The following SPECC1 variants were observed in gnomAD, a reference collection of about 807,000 sequenced individuals.
SPECC1 encodes cytospin-B.
Under a neutral mutation model 104.1 loss-of-function variants are expected in SPECC1, and 62 were observed. The observed-to-expected ratio is 0.60, with a 90% CI of 0.49 to 0.74. The LOEUF (loss-of-function observed/expected upper bound fraction) is 0.74, where lower values mean the gene tolerates loss of function less well. Among genes scored for constraint, SPECC1 ranks in the 30% least tolerant of loss-of-function variants. The pLI is 0.00. For synonymous variants in SPECC1, 513 were observed against 501.6 expected (o/e 1.02, Z -0.30); for missense variants, 1,306 against 1,310.5 (o/e 1.00, Z 0.05).
rs140158475 is a variant in SPECC1, at chr17:20,059,344, A to G, written c.-21-37287A>G. ...GAAAACCTACATCCCTTGCATGCTC[A>G]GTTCACAATAGGGTTCATGGTCCTA... On this transcript the variant is annotated intron_variant, in intron 1 of 14. Coordinates refer to ENST00000395527, the MANE Select transcript of SPECC1 (RefSeq NM_001243439.2). 1.5e-3 allele frequency among the ~76,000 whole-genome samples: 226 copies of G among 152,230 alleles called. 1 individual carries two copies. Among genetic ancestry groups the G allele is most frequent in the African/African-American group, 5.0e-3 (208 of 41,550 alleles).
At chr17:20,198,219 A>C (rs1030679629) in intron 3 of SPECC1, among the ~76,000 whole-genome samples, 1 of 152,224 alleles carries the variant, frequency 6.6e-6, no homozygotes, top group African/African-American at 2.4e-5. Flanking sequence ...TTTGCCCCCA[A>C]ATGGGCCCCG....
intron 3 of SPECC1, chr17:20,156,285 C>T: frequency 7.6e-7 from 1 of 1,321,410 alleles, no homozygotes; most frequent in Non-Finnish European, 9.7e-7. Flanking sequence ...CCCACCCCCC[C>T]TCCAGGCGCC....
At chr17:20,206,040 G>T in intron 4 of SPECC1, 128 bp downstream of exon 4, 2 of 1,307,848 alleles carry the variant, frequency 1.5e-6, no homozygotes, top group Non-Finnish European at 2.1e-6. Context: ...CAGCATTCCA[G>T]CTTGAAGGCC....
intron 11 of SPECC1, among the ~76,000 whole-genome samples, chr17:20,259,170 A>G (rs1165255184): frequency 6.6e-6 from 1 of 152,232 alleles, no homozygotes; most frequent in African/African-American, 2.4e-5. Flanking sequence ...TACAGCATAT[A>G]TTTGGACCCA....
At chr17:20,300,459 C>T (rs756367261) in intron 13 of SPECC1, among the ~76,000 whole-genome samples, 1 of 152,246 alleles carries the variant, frequency 6.6e-6, no homozygotes, top group Non-Finnish European at 1.5e-5. Flanking sequence ...TAACACTGTG[C>T]TGGGTGAAGC....
chr17:20,015,309 T>G (rs926820902), intron 1 of SPECC1, among the ~76,000 whole-genome samples: 1 of 151,774 alleles, frequency 6.6e-6, no homozygotes, highest in African/African-American at 2.4e-5. Context: ...TTTTTTTTTT[T>G]TTTGAGACAG....
At chr17:20,180,801 CAT>C (rs2034827328) in intron 3 of SPECC1, among the ~76,000 whole-genome samples, 1 of 152,150 alleles carries the variant, frequency 6.6e-6, no homozygotes, top group African/African-American at 2.4e-5. Context: ...TTAGAAACAA[CAT>C]ATGCAACAAA....
intron 13 of SPECC1, among the ~76,000 whole-genome samples, chr17:20,299,037 C>G (rs1245334025): frequency 4.0e-5 from 6 of 149,830 alleles, no homozygotes; most frequent in Non-Finnish European, 7.4e-5. Flanking sequence ...GGAACTAGCT[C>G]GAGATTATAG....
chr17:20,089,597 G>C lies in SPECC1; in HGVS notation c.-21-7034G>C, dbSNP rs115871315. Among the ~76,000 whole-genome samples the C allele has an allele frequency of 6.6e-3, 1,003 of 152,272 alleles. 10 individuals are homozygous for C. Among genetic ancestry groups the C allele is most frequent in the African/African-American group, 0.023 (944 of 41,546 alleles). ...ATTGTGATTATGCCACAGCACTCCAGCTTGGGCAATGGAGTAAGACCCCAT... is the reference window on the plus strand; with the variant it reads ...ATTGTGATTATGCCACAGCACTCCACCTTGGGCAATGGAGTAAGACCCCAT... On this transcript the variant is annotated intron_variant, in intron 1 of 14. Transcript: ENST00000395527.
intron 1 of SPECC1, among the ~76,000 whole-genome samples, chr17:20,013,756 C>T (rs7224419): frequency 0.069 from 10,514 of 152,146 alleles, 990 homozygotes; most frequent in African/African-American, 0.21. Flanking sequence ...GCCTGCCTTA[C>T]CCGCCCAAAG....
At chr17:20,280,752 G>A (rs908852679) in intron 12 of SPECC1, among the ~76,000 whole-genome samples, 10 of 152,166 alleles carry the variant, frequency 6.6e-5, no homozygotes, top group South Asian at 2.1e-4. Context: ...GGTGGCTGTC[G>A]TATGGGGCAA....
chr17:20,297,007 C>T lies in SPECC1; in HGVS notation c.2987C>T (p.Ala996Val). ...AGCAGCAGCTGGAGCGATGGCCTGGCCTTCTGTGCTCTGCTCCACACCTAC... is the reference window on the plus strand; with the variant it reads ...AGCAGCAGCTGGAGCGATGGCCTGGTCTTCTGTGCTCTGCTCCACACCTAC... ...NFSSSWSDGLAFCALLHTYLP... is the reference protein window; with the variant it reads ...NFSSSWSDGLVFCALLHTYLP... Residue 996 changes from alanine to valine, a missense_variant, in exon 13 of 15, where the codon GCC (alanine) becomes GTC (valine). Ala to Val is a moderately conservative substitution (Grantham distance 64). Coordinates refer to ENST00000395527, the MANE Select transcript of SPECC1 (RefSeq NM_001243439.2). 1 of 1,614,222 alleles carries T rather than the reference C, an allele frequency of 6.2e-7. No individual in the cohort carries two copies. Among genetic ancestry groups the T allele is most frequent in the Non-Finnish European group, 8.5e-7 (1 of 1,180,044 alleles).
At chr17:20,281,045 C>G (rs2040753260) in intron 12 of SPECC1, among the ~76,000 whole-genome samples, 1 of 152,168 alleles carries the variant, frequency 6.6e-6, no homozygotes, top group Non-Finnish European at 1.5e-5. Flanking sequence ...CTCTTTAGAG[C>G]ATCGGACATT....
intron 12 of SPECC1, among the ~76,000 whole-genome samples, chr17:20,289,811 C>CA (rs1328833277): frequency 1.3e-5 from 2 of 152,042 alleles, no homozygotes; most frequent in Non-Finnish European, 2.9e-5. Context: ...TGAAAGGGAA[C>CA]GTCTTTATTT....
intron 12 of SPECC1, among the ~76,000 whole-genome samples, chr17:20,261,695 A>G (rs1381495020): frequency 2.0e-5 from 3 of 152,164 alleles, no homozygotes; most frequent in Non-Finnish European, 2.9e-5. Context: ...GTTTGCGTTT[A>G]GTTTAAGAGT....
intron 3 of SPECC1, among the ~76,000 whole-genome samples, chr17:20,117,773 A>C (rs2048833474): frequency 6.6e-6 from 1 of 151,724 alleles, no homozygotes; most frequent in African/African-American, 2.4e-5. Context: ...TGAAAAATAC[A>C]GATGGCTAGT....
At chr17:20,090,812 C>A (rs1223860777) in intron 1 of SPECC1, among the ~76,000 whole-genome samples, 1 of 152,114 alleles carries the variant, frequency 6.6e-6, no homozygotes, top group Admixed American at 6.5e-5. Flanking sequence ...AATATAGCTG[C>A]CAGATTATAG....
At chr17:20,246,731 ACAGTAACAATATCTTTCTTCCCCAG>A (rs1261758040) in intron 8 of SPECC1, among the ~76,000 whole-genome samples, 1 of 152,250 alleles carries the variant, frequency 6.6e-6, no homozygotes, top group Admixed American at 6.5e-5. Context: ...GCATCTGTCT[ACAGTAACAATATCTTTCTTCCCCAG>A]AGTGCAACAA....
chr17:20,204,659 G>T lies in SPECC1; in HGVS notation c.610G>T (p.Gly204Trp). Residue 204 changes from glycine to tryptophan, a missense_variant, in exon 4 of 15, where the codon GGG becomes TGG. Gly to Trp is a radical substitution (Grantham distance 184). Transcript: ENST00000395527. The stretch of plus-strand genomic sequence containing the variant: ...AGAGAAAAGGACTCTGAACGCTGAG[G>T]GGACTGATGCTTTGGGCCCAAATGT... ...YKEKRTLNAEGTDALGPNVDG... is the reference protein window; with the variant it reads ...YKEKRTLNAEWTDALGPNVDG... 6.2e-7 allele frequency: 1 copy of T among 1,614,010 alleles called. No homozygotes were observed. Among genetic ancestry groups the T allele is most frequent in the Non-Finnish European group, 8.5e-7 (1 of 1,180,014 alleles).
Sources: allele counts gnomAD v4.1 joint callset (sites outside exome capture counted in the v4.1 genomes callset), GRCh38; gene constraint gnomAD v4.1.1; transcripts MANE v1.5; gene names NCBI Gene and HGNC (gene_info 2026-07-23, HGNC 2026-07-21).